Variants in LRRK2 observed in about 807,000 individuals in gnomAD.
The protein encoded by LRRK2 is leucine rich repeat kinase 2.
A neutral mutation model predicts 302.6 loss-of-function variants in LRRK2; 203 were observed. That is an observed-to-expected ratio of 0.67 (90% CI 0.60 to 0.75). The LOEUF is 0.75. Ranked by LOEUF, LRRK2 falls within the 30% of genes least tolerant of loss-of-function variation. The pLI is 0.00. For missense variants in LRRK2, 2,830 were observed against 2,951.0 expected (o/e 0.96, Z 0.95); for synonymous variants, 1,066 against 1,031.9 (o/e 1.03, Z -0.63).
Position 40,340,368 on chromosome 12 carries a change from A to G in LRRK2, c.6023A>G (p.Asn2008Ser), listed in dbSNP as rs200453044. 1.2e-6 allele frequency: 2 copies of G among 1,613,920 alleles called. No individual in the cohort carries two copies. Among genetic ancestry groups the G allele is most frequent in the East Asian group, 2.2e-5 (1 of 44,880 alleles). Residue 2008 changes from asparagine (N) to serine (S), a missense_variant, in exon 41 of 51, where the codon AAT becomes AGT. Transcript: ENST00000298910. ...GTGCTGCTTTTCACACTGTATCCCAATGCTGCCATCATTGCAAAGATTGCT... is the reference window on the plus strand; with the variant it reads ...GTGCTGCTTTTCACACTGTATCCCAGTGCTGCCATCATTGCAAAGATTGCT... The part of the protein sequence containing the change: ...HNVLLFTLYP[N>S]AAIIAKIADY...
At chr12:40,282,631 G>A (rs967339447) in intron 18 of LRRK2, among the ~76,000 whole-genome samples, 4 of 152,166 alleles carry the variant, frequency 2.6e-5, no homozygotes, top group Non-Finnish European at 4.4e-5. Context: ...GAGCAGCAGC[G>A]TTTTAGAAGG....
intron 14 of LRRK2, among the ~76,000 whole-genome samples, chr12:40,273,096 A>G (rs1013759260): frequency 6.6e-6 from 1 of 152,176 alleles, no homozygotes; most frequent in African/African-American, 2.4e-5. Context: ...ATTGTTTTAG[A>G]GATGAGGAAG....
In LRRK2 at chr12:40,340,303, C is replaced by G; in HGVS notation, c.5958C>G (p.His1986Gln). Residue 1986 changes from histidine (H) to glutamine (Q), a missense_variant, in exon 41 of 51, where the codon CAC becomes CAG. His to Gln is a conservative substitution (Grantham distance 24, BLOSUM62 0). Transcript: ENST00000298910. ...GTGCATTTTCTGGCAGATACCTCCA[C>G]TCAGCCATGATTATATACCGAGACC... Reference protein sequence around the residue: ...LHVADGLRYLHSAMIIYRDLK... With the variant: ...LHVADGLRYLQSAMIIYRDLK... The G allele has an allele frequency of 6.2e-7, 1 of 1,613,670 alleles. No homozygotes were observed. Among genetic ancestry groups the G allele is most frequent in the Non-Finnish European group, 8.5e-7 (1 of 1,179,656 alleles).
intron 24 of LRRK2, among the ~76,000 whole-genome samples, chr12:40,298,803 T>A (rs1034582671): frequency 1.3e-5 from 1 of 74,836 alleles, no homozygotes; most frequent in Non-Finnish European, 2.7e-5. Flanking sequence ...ATATATAATA[T>A]ATGTATTATA....
At position 40,264,072 on chromosome 12, in the gene LRRK2, A is replaced by G. The variant is rs80119436; in HGVS notation, c.1656+171A>G. Among the ~76,000 whole-genome samples the G allele has an allele frequency of 3.1e-3, 476 of 152,280 alleles. 5 individuals carry two copies. Among genetic ancestry groups the G allele is most frequent in the African/African-American group, 0.01 (428 of 41,570 alleles). On this transcript the variant is annotated intron_variant, in intron 14 of 50. Coordinates refer to ENST00000298910, the MANE Select transcript of LRRK2 (RefSeq NM_198578.4). ...GTGGGGATGTGGGAAGTGAAAAGAT[A>G]TGTACTAAGCTAAGTCCAGCTAAGT...
chr12:40,336,947 T>C (rs879938194), intron 40 of LRRK2, among the ~76,000 whole-genome samples: 1 of 152,230 alleles, frequency 6.6e-6, no homozygotes, highest in Admixed American at 6.5e-5. Context: ...CGAAACACCT[T>C]ATCTCTAAAA....
intron 16 of LRRK2, among the ~76,000 whole-genome samples, chr12:40,276,101 T>G (rs1943440788): frequency 6.6e-6 from 1 of 152,198 alleles, no homozygotes; most frequent in African/African-American, 2.4e-5. Context: ...CTTTTCATAA[T>G]GTGCCTCAGG....
Position 40,340,378 on chromosome 12 carries a change from C to T in LRRK2, c.6033C>T (p.Ile2011=), listed in dbSNP as rs755914035. The change falls in exon 41 of 51, where the codon ATC becomes ATT. Residue 2011 remains isoleucine (I), a synonymous_variant. Coordinates refer to ENST00000298910, the MANE Select transcript of LRRK2 (RefSeq NM_198578.4). ...LLFTLYPNAA[I]IAKIADYGIA... is the part of the protein sequence containing the mutation. The stretch of plus-strand genomic sequence containing the variant: ...TCACACTGTATCCCAATGCTGCCAT[C>T]ATTGCAAAGATTGCTGACTACGGCA... The T allele has an allele frequency of 1.9e-6, 3 of 1,613,910 alleles. No homozygotes were observed. The South Asian group carries it at 3.3e-5, about 18-fold the overall frequency.
chr12:40,343,904 G>A (rs927546666), intron 41 of LRRK2, among the ~76,000 whole-genome samples: 4 of 151,764 alleles, frequency 2.6e-5, no homozygotes, highest in African/African-American at 9.7e-5. Flanking sequence ...CTTTTAGAAG[G>A]GTATTATATT....
intron 31 of LRRK2, among the ~76,000 whole-genome samples, chr12:40,311,077 T>C (rs1945020797): frequency 1.3e-5 from 2 of 152,136 alleles, no homozygotes; most frequent in Non-Finnish European, 2.9e-5. Flanking sequence ...GGAATTCCTG[T>C]TTTATGGACA....
At chr12:40,358,073 C>T (rs977346892) in intron 46 of LRRK2, among the ~76,000 whole-genome samples, 10 of 151,920 alleles carry the variant, frequency 6.6e-5, no homozygotes, top group African/African-American at 2.2e-4. Context: ...CAGCCCTTTG[C>T]CTACTTTTAA....
intron 43 of LRRK2, 39 bp downstream of exon 43, chr12:40,348,548 C>T (rs370893052): frequency 7.9e-7 from 1 of 1,271,394 alleles, no homozygotes; most frequent in Non-Finnish European, 1.1e-6. Context: ...TACAGAACAT[C>T]ATTTGCATAT....
At chr12:40,293,433 C>T (rs772089561) in intron 20 of LRRK2, 112 bp from the exon 21 acceptor site, 6 of 679,646 alleles carry the variant, frequency 8.8e-6, no homozygotes, top group Non-Finnish European at 1.3e-5. Flanking sequence ...TGTGAAATTT[C>T]CATTAATAAA....
chr12:40,312,392 A>AC (rs1945064926), intron 31 of LRRK2, among the ~76,000 whole-genome samples: 1 of 152,122 alleles, frequency 6.6e-6, no homozygotes, highest in African/African-American at 2.4e-5. Context: ...CTTTCAGATG[A>AC]CCCAGGGCCT....
intron 28 of LRRK2, among the ~76,000 whole-genome samples, chr12:40,306,591 T>A (rs1944834821): frequency 6.6e-6 from 1 of 152,172 alleles, no homozygotes; most frequent in Non-Finnish European, 1.5e-5. Context: ...CTTTGCTCCC[T>A]TTTCCACAGT....
intron 23 of LRRK2, among the ~76,000 whole-genome samples, chr12:40,298,020 G>A (rs1592246140): frequency 6.6e-6 from 1 of 151,970 alleles, no homozygotes; most frequent in East Asian, 1.9e-4. Context: ...TTGTGAACCT[G>A]CTTTTTACAA....
intron 46 of LRRK2, among the ~76,000 whole-genome samples, chr12:40,358,177 T>C (rs10784528): frequency 0.86 from 130,032 of 151,970 alleles, 55,695 homozygotes; most frequent in Middle Eastern, 0.91. Context: ...TCACATTTAA[T>C]GGATCCTCTC....
chr12:40,267,375 A>G (rs1943061994), intron 14 of LRRK2, among the ~76,000 whole-genome samples: 1 of 152,336 alleles, frequency 6.6e-6, no homozygotes, highest in Non-Finnish European at 1.5e-5. Flanking sequence ...GGATACCAGC[A>G]TTGTGAACAT....
At chr12:40,363,279 T>A (rs886931225) in intron 47 of LRRK2, 123 bp from the exon 48 acceptor site, 19 of 800,726 alleles carry the variant, frequency 2.4e-5, no homozygotes, top group Middle Eastern at 3.6e-4. Context: ...ATTGCAATAG[T>A]CTAGCTTGTT....
Sources: allele counts gnomAD v4.1 joint callset (sites outside exome capture counted in the v4.1 genomes callset), GRCh38; gene constraint gnomAD v4.1.1; transcripts MANE v1.5; gene names NCBI Gene and HGNC (gene_info 2026-07-23, HGNC 2026-07-21).